Variants in FAM120A observed in about 807,000 individuals in gnomAD.
FAM120A encodes the protein constitutive coactivator of PPAR-gamma-like protein 1.
A neutral mutation model predicts 109.7 loss-of-function variants in FAM120A; 15 were observed. The observed-to-expected ratio is 0.14, with a 90% CI of 0.09 to 0.21. FAM120A has a LOEUF of 0.21. Ranked by LOEUF, FAM120A falls within the 10% of genes least tolerant of loss-of-function variation. FAM120A has a pLI of 1.00. For missense variants in FAM120A, 899 were observed against 1,439.3 expected, an observed-to-expected ratio of 0.62 and a Z score of 6.07; for synonymous variants, 493 against 572.8, an observed-to-expected ratio of 0.86 and a Z score of 1.99.
intron 5 of FAM120A, among the ~76,000 whole-genome samples, chr9:93,504,236 C>T (rs1475969305): frequency 1.3e-5 from 2 of 152,036 alleles, no homozygotes; most frequent in African/African-American, 2.4e-5. Flanking sequence ...GCACAGAAAG[C>T]GGGGAGAGTG....
rs1554777515 is a variant in FAM120A, at chr9:93,497,609, A to AC, written c.933+10_933+11insC. ...TTTCCAGCATTCACAGGTAAAAAAA[A>AC]AAACAAACAAAACAAAAAAACAGAT... On this transcript the variant is annotated intron_variant, in intron 4 of 17. Coordinates refer to ENST00000277165, the MANE Select transcript of FAM120A (RefSeq NM_014612.5). 4.4e-6 allele frequency: 7 copies of AC among 1,591,146 alleles called. No homozygotes were observed. The Admixed American group carries it at 5.7e-5, about 13-fold the overall frequency.
At chr9:93,517,991 T>C (rs1860672742) in intron 7 of FAM120A, among the ~76,000 whole-genome samples, 1 of 152,212 alleles carries the variant, frequency 6.6e-6, no homozygotes, top group African/African-American at 2.4e-5. Flanking sequence ...ATTGTCTTTA[T>C]TCCTGGTATG....
In FAM120A at chr9:93,511,489, G is replaced by A. The variant is rs148876855; in HGVS notation, c.1031-4178G>A. Among the ~76,000 whole-genome samples, 304 of 152,320 alleles carry A rather than the reference G, an allele frequency of 2.0e-3. 2 individuals carry two copies. Among genetic ancestry groups the A allele is most frequent in the African/African-American group, 6.8e-3 (284 of 41,576 alleles). On this transcript the variant is annotated intron_variant, in intron 5 of 17. Coordinates refer to ENST00000277165, the MANE Select transcript of FAM120A (RefSeq NM_014612.5). The stretch of plus-strand genomic sequence containing the variant: ...TCTCCCTATAGGATGGCCAGACGCC[G>A]CGCCCTCCCACTGTGCTCCAAGGCC...
At chr9:93,453,445 G>A in intron 1 of FAM120A, 1 of 985,430 alleles carries the variant, frequency 1.0e-6, no homozygotes, top group Non-Finnish European at 1.2e-6. Context: ...GGGCCTTTTT[G>A]TTGTCTTAGC....
At chr9:93,481,255 A>G (rs182125075) in intron 3 of FAM120A, among the ~76,000 whole-genome samples, 20 of 152,360 alleles carry the variant, frequency 1.3e-4, no homozygotes, top group Admixed American at 1.2e-3. Context: ...GGTTTTAAAA[A>G]TTGTATGATT....
intron 3 of FAM120A, among the ~76,000 whole-genome samples, chr9:93,479,819 A>G (rs1264691935): frequency 6.6e-6 from 1 of 152,220 alleles, no homozygotes; most frequent in Non-Finnish European, 1.5e-5. Context: ...TCTGACTGTC[A>G]TCGAACCAGC....
intron 1 of FAM120A, among the ~76,000 whole-genome samples, chr9:93,463,015 CCCATTT>C (rs1440596357): frequency 6.6e-6 from 1 of 152,072 alleles, no homozygotes; most frequent in Non-Finnish European, 1.5e-5. Flanking sequence ...TCTCTTCGGA[CCCATTT>C]TTTCAACCTG....
chr9:93,452,343 G>C lies in FAM120A; in HGVS notation c.428G>C (p.Cys143Ser). Residue 143 changes from cysteine to serine, a missense_variant, in exon 1 of 18, where the codon TGC becomes TCC. By Grantham distance (112) the Cys-to-Ser change is moderately radical (BLOSUM62 -1). Coordinates refer to ENST00000277165, the MANE Select transcript of FAM120A (RefSeq NM_014612.5). The surrounding 1 kb of genome is among the most constrained non-coding windows in gnomAD (Gnocchi z 7.0). ...AAGGTCTGGTTCCTGCCGCCCGTCTGCATGGCCCACTGCATCCGCCTGGCG... is the reference window on the plus strand; with the variant it reads ...AAGGTCTGGTTCCTGCCGCCCGTCTCCATGGCCCACTGCATCCGCCTGGCG... Reference protein sequence around the residue: ...PPKVWFLPPVCMAHCIRLALI... With the variant: ...PPKVWFLPPVSMAHCIRLALI... The C allele has an allele frequency of 3.1e-6, 5 of 1,612,756 alleles. No homozygotes were observed. The highest frequency in any genetic ancestry group is 4.2e-6 in the Non-Finnish European group (5 of 1,179,814).
chr9:93,458,302 A>G (rs985129981), intron 1 of FAM120A, among the ~76,000 whole-genome samples: 31 of 151,400 alleles, frequency 2.0e-4, no homozygotes, highest in Non-Finnish European at 4.0e-4. Context: ...TGCCGCTCCC[A>G]CCGTCTGTCC....
At chr9:93,456,196 T>C (rs141068765) in intron 1 of FAM120A, among the ~76,000 whole-genome samples, 31 of 152,364 alleles carry the variant, frequency 2.0e-4, no homozygotes, top group Middle Eastern at 3.4e-3. Context: ...GTGTTTCTTC[T>C]TGTGTGCCTT....
chr9:93,561,213 C>G lies in FAM120A; in HGVS notation c.2911C>G (p.Pro971Ala), dbSNP rs751524479. ...RRGRGGRGPF[P>A]LQVVSVGGPA... ...GGGCCGTGGGGGCCGGGGGCCTTTC[C>G]CCCTGCAGGTGGTTTCTGTCGGAGG... The change falls in exon 16 of 18, where the codon CCC becomes GCC. Residue 971 changes from proline (P) to alanine (A), a missense_variant. By Grantham distance (27) the Pro-to-Ala change is conservative. Coordinates refer to ENST00000277165, the MANE Select transcript of FAM120A (RefSeq NM_014612.5). The G allele has an allele frequency of 1.2e-6, 2 of 1,613,132 alleles. No individual in the cohort carries two copies. The highest frequency in any genetic ancestry group is 2.7e-5 in the African/African-American group (2 of 74,876).
chr9:93,542,869 A>C (rs1388856912), intron 10 of FAM120A, among the ~76,000 whole-genome samples: 1 of 152,258 alleles, frequency 6.6e-6, no homozygotes, highest in African/African-American at 2.4e-5. Flanking sequence ...TACTTCCGTG[A>C]ATTACACTGT....
chr9:93,543,326 C>T lies in FAM120A; in HGVS notation c.2014C>T (p.Leu672=), dbSNP rs1287110950. 1 of 1,614,110 alleles carries T rather than the reference C, an allele frequency of 6.2e-7. No individual in the cohort carries two copies. Among genetic ancestry groups the T allele is most frequent in the African/African-American group, 1.3e-5 (1 of 74,940 alleles). ...CTTCAGGGAGTGGACCTGCCCCAAC[C>T]TGAAGAGGCTGTGGTTGGGTAAGGC... ...LAFREWTCPN[L]KRLWLGKAVE... Residue 672 remains leucine, a synonymous_variant, in exon 11 of 18, where the codon CTG becomes TTG. Transcript: ENST00000277165.
intron 2 of FAM120A, among the ~76,000 whole-genome samples, chr9:93,472,528 G>A (rs1858355126): frequency 6.6e-6 from 1 of 152,198 alleles, no homozygotes; most frequent in Non-Finnish European, 1.5e-5. Flanking sequence ...CACAAGGCCA[G>A]TTTGGGAAGC....
chr9:93,511,608 T>C (rs1371840097), intron 5 of FAM120A, among the ~76,000 whole-genome samples: 1 of 152,230 alleles, frequency 6.6e-6, no homozygotes, highest in Non-Finnish European at 1.5e-5. Flanking sequence ...CTGTAGACTA[T>C]TGAGATTTAG....
Position 93,452,682 on chromosome 9 carries a change from C to A in FAM120A, c.474+293C>A. 6.3e-7 allele frequency: 1 copy of A among 1,598,766 alleles called. No individual in the cohort carries two copies. The highest frequency in any genetic ancestry group is 8.5e-7 in the Non-Finnish European group (1 of 1,179,912). ...CAGAATTCGGAGGCGACAGTGTCAT[C>A]ATCCCCAATATCCTTAGTTTTTCCC... On this transcript the variant is annotated intron_variant, in intron 1 of 17. Transcript: ENST00000277165. The surrounding 1 kb of genome is among the most constrained non-coding windows in gnomAD (Gnocchi z 7.0).
intron 7 of FAM120A, among the ~76,000 whole-genome samples, chr9:93,526,605 C>T (rs1459717673): frequency 4.6e-5 from 7 of 152,112 alleles, no homozygotes; most frequent in African/African-American, 1.7e-4. Context: ...TGTGCCATCT[C>T]GCTTTGCCTA....
intron 10 of FAM120A, among the ~76,000 whole-genome samples, chr9:93,536,007 AAC>A (rs965259789): frequency 1.3e-5 from 2 of 152,078 alleles, no homozygotes; most frequent in African/African-American, 4.8e-5. Context: ...ATTAATTGGT[AAC>A]ACATATTTGT....
chr9:93,524,139 A>G (rs1860967175), intron 7 of FAM120A, among the ~76,000 whole-genome samples: 1 of 152,242 alleles, frequency 6.6e-6, no homozygotes, highest in African/African-American at 2.4e-5. Context: ...AAATTTACAC[A>G]TGCCAGATAG....
Sources: gnomAD v4.1 joint callset for allele counts (sites outside exome capture counted in the v4.1 genomes callset) on GRCh38, gnomAD v4.1.1 for gene constraint, Gnocchi (gnomAD v3.1) non-coding constraint, MANE v1.5 for transcripts, NCBI Gene and HGNC (gene_info 2026-07-23, HGNC 2026-07-21) for gene names.